Variants in CRPPA observed in about 807,000 individuals in gnomAD.
The protein encoded by CRPPA is D-ribitol-5-phosphate cytidylyltransferase.
Under a neutral mutation model 52.0 loss-of-function variants are expected in CRPPA, and 43 were observed. The ratio of observed to expected loss-of-function variants is 0.83; its 90% CI spans 0.65 to 1.07. CRPPA has a LOEUF of 1.07. Among genes scored for constraint, CRPPA ranks in the 50% least tolerant of loss-of-function variants. The pLI, the probability that CRPPA is intolerant of heterozygous loss-of-function variation, is 0.00. For missense variants in CRPPA, 629 were observed against 551.7 expected (o/e 1.14, Z -1.40); for synonymous variants, 250 against 203.5 (o/e 1.23, Z -1.94).
At chr7:16,315,592 C>G (rs143892780) in intron 3 of CRPPA, among the ~76,000 whole-genome samples, 1 of 152,062 alleles carries the variant, frequency 6.6e-6, no homozygotes, top group Non-Finnish European at 1.5e-5. Context: ...TGGGCCTCCT[C>G]GTTAAGAGCA....
At chr7:16,357,459 C>G (rs1786330457) in intron 3 of CRPPA, among the ~76,000 whole-genome samples, 1 of 152,130 alleles carries the variant, frequency 6.6e-6, no homozygotes, top group South Asian at 2.1e-4. Flanking sequence ...GTATTACAGG[C>G]ATGAGCCACC....
chr7:16,320,487 T>G (rs1362497755), intron 3 of CRPPA, among the ~76,000 whole-genome samples: 1 of 152,168 alleles, frequency 6.6e-6, no homozygotes, highest in Non-Finnish European at 1.5e-5. Context: ...AACCACATAA[T>G]GGTCCACGGC....
chr7:16,210,302 G>A (rs978462394), intron 9 of CRPPA, among the ~76,000 whole-genome samples: 1 of 152,200 alleles, frequency 6.6e-6, no homozygotes, highest in African/African-American at 2.4e-5. Context: ...CAGTGTTAGT[G>A]TGGTAGGCAG....
At chr7:16,393,653 G>A (rs1787496581) in intron 2 of CRPPA, among the ~76,000 whole-genome samples, 1 of 151,986 alleles carries the variant, frequency 6.6e-6, no homozygotes, top group Admixed American at 6.6e-5. Flanking sequence ...CATGACTTCA[G>A]TGTAAGAAAA....
chr7:16,245,074 G>C (rs1783232982), intron 8 of CRPPA, among the ~76,000 whole-genome samples: 2 of 151,596 alleles, frequency 1.3e-5, no homozygotes, highest in Non-Finnish European at 2.9e-5. Flanking sequence ...TTGTGGTAGG[G>C]CCTCTTTCTT....
chr7:16,206,807 A>C (rs576291622), intron 9 of CRPPA, among the ~76,000 whole-genome samples: 1 of 152,242 alleles, frequency 6.6e-6, no homozygotes, highest in Admixed American at 6.5e-5. Flanking sequence ...TAAAATCCAG[A>C]GTCTAAAAGG....
intron 9 of CRPPA, among the ~76,000 whole-genome samples, chr7:16,163,219 C>T (rs1583400862): frequency 6.6e-6 from 1 of 152,034 alleles, no homozygotes; most frequent in African/African-American, 2.4e-5. Context: ...CGTGATCTGC[C>T]TGCCTCAGCC....
At chr7:16,094,363 T>C (rs1781894412) in intron 9 of CRPPA, among the ~76,000 whole-genome samples, 1 of 152,160 alleles carries the variant, frequency 6.6e-6, no homozygotes, top group Admixed American at 6.5e-5. Context: ...AAAGATTAGA[T>C]AGTCACACAA....
At chr7:16,322,702 C>T (rs1311729087) in intron 3 of CRPPA, among the ~76,000 whole-genome samples, 1 of 152,014 alleles carries the variant, frequency 6.6e-6, no homozygotes, top group Non-Finnish European at 1.5e-5. Flanking sequence ...CTATTCTTAC[C>T]CCATTTGAGG....
intron 9 of CRPPA, among the ~76,000 whole-genome samples, chr7:16,124,898 T>G (rs575796676): frequency 6.6e-6 from 1 of 151,812 alleles, no homozygotes; most frequent in Non-Finnish European, 1.5e-5. Flanking sequence ...CCTATTTTCA[T>G]TGAGGAGTGG....
chr7:16,223,591 T>C (rs962074336), intron 8 of CRPPA, among the ~76,000 whole-genome samples: 3 of 152,176 alleles, frequency 2.0e-5, no homozygotes, highest in African/African-American at 7.2e-5. Context: ...CTTAAGCATA[T>C]ACTTTACATA....
At chr7:16,296,851 T>C (rs932240591) in intron 5 of CRPPA, among the ~76,000 whole-genome samples, 1 of 152,200 alleles carries the variant, frequency 6.6e-6, no homozygotes. Context: ...TAACAAACAC[T>C]TTCTAGAAGA....
At chr7:16,309,887 A>C (rs1339693375) in intron 3 of CRPPA, among the ~76,000 whole-genome samples, 1 of 152,142 alleles carries the variant, frequency 6.6e-6, no homozygotes, top group Non-Finnish European at 1.5e-5. Context: ...GCCCATAACT[A>C]ATATTATTTG....
rs1562608288 is a variant in CRPPA at position 16,286,036 on chromosome 7, AAAATAT to A, written c.836-7816_836-7811del. On this transcript the variant is annotated intron_variant, in intron 5 of 9. Transcript: ENST00000407010. Reference sequence around the variant, plus strand: ...ACTCCATCTCAAAAAAAAAAAAAAAAAAATATAAATATATATATATATATATATATA... The same window carrying A: ...ACTCCATCTCAAAAAAAAAAAAAAAAAAATATATATATATATATATATATA... 5.8e-4 allele frequency among the ~76,000 whole-genome samples: 11 copies of A among 18,804 alleles called. 1 individual carries two copies. Among genetic ancestry groups the A allele is most frequent in the South Asian group, 7.4e-4 (1 of 1,360 alleles). The allele number at this position is 18,804 out of a possible 152,430, so 12.3% of individuals were successfully genotyped here.
intron 8 of CRPPA, among the ~76,000 whole-genome samples, chr7:16,229,636 C>A (rs892712828): frequency 2.6e-5 from 4 of 152,146 alleles, no homozygotes; most frequent in African/African-American, 7.2e-5. Context: ...AATAGGTTTG[C>A]CTTTTTGCCT....
intron 2 of CRPPA, among the ~76,000 whole-genome samples, chr7:16,391,717 T>C (rs1012952642): frequency 5.3e-5 from 8 of 152,162 alleles, no homozygotes; most frequent in Non-Finnish European, 1.0e-4. Flanking sequence ...GAATGTTTTA[T>C]TGGACAGCAG....
chr7:16,264,085 T>C (rs1043888574), intron 6 of CRPPA, among the ~76,000 whole-genome samples: 3 of 152,144 alleles, frequency 2.0e-5, no homozygotes, highest in Non-Finnish European at 4.4e-5. Flanking sequence ...CAGAAAACAA[T>C]CAGTATTTTC....
intron 8 of CRPPA, among the ~76,000 whole-genome samples, chr7:16,244,245 C>G (rs752759771): frequency 6.6e-6 from 1 of 152,000 alleles, no homozygotes; most frequent in Non-Finnish European, 1.5e-5. Flanking sequence ...AAATTTCCCA[C>G]GTTAAATAAT....
chr7:16,140,309 G>A (rs1322081418), intron 9 of CRPPA, among the ~76,000 whole-genome samples: 1 of 151,652 alleles, frequency 6.6e-6, no homozygotes, highest in East Asian at 1.9e-4. Flanking sequence ...CACCATGCCA[G>A]GCAATGCCAG....
Sources: allele counts gnomAD v4.1 joint callset (sites outside exome capture counted in the v4.1 genomes callset), GRCh38; gene constraint gnomAD v4.1.1; transcripts MANE v1.5; gene names NCBI Gene and HGNC (gene_info 2026-07-23, HGNC 2026-07-21).